HIVEP2: variants seen among roughly 807,000 people sequenced by gnomAD.
HIVEP2 encodes HIVEP zinc finger 2.
Under a neutral mutation model 180.7 loss-of-function variants are expected in HIVEP2, and 14 were observed. The observed-to-expected ratio is 0.08, with a 90% CI of 0.05 to 0.12. The LOEUF (loss-of-function observed/expected upper bound fraction) is 0.12, where lower values mean the gene tolerates loss of function less well. HIVEP2 is among the 10% of genes least tolerant of loss of function. The pLI, the probability that HIVEP2 is intolerant of heterozygous loss-of-function variation, is 1.00. For synonymous variants in HIVEP2, 1,184 were observed against 1,136.4 expected, an observed-to-expected ratio of 1.04 and a Z score of -0.84; for missense variants, 2,579 against 3,008.5, an observed-to-expected ratio of 0.86 and a Z score of 3.34.
intron 1 of HIVEP2, among the ~76,000 whole-genome samples, chr6:142,878,809 G>T (rs1776510026): frequency 6.6e-6 from 1 of 152,106 alleles, no homozygotes; most frequent in Non-Finnish European, 1.5e-5. Flanking sequence ...GGGACTGAAG[G>T]CACCTCGCCT....
At chr6:142,805,350 C>G (rs1776521464) in intron 2 of HIVEP2, among the ~76,000 whole-genome samples, 1 of 138,232 alleles carries the variant, frequency 7.2e-6, no homozygotes, top group African/African-American at 2.6e-5. Context: ...AACCCCCCAG[C>G]TCCTCTCTAC....
rs558801156 is a variant in HIVEP2 at position 142,774,485 on chromosome 6, G to A, written c.254C>T (p.Pro85Leu). 2 of 1,614,116 alleles carry A rather than the reference G, an allele frequency of 1.2e-6. No individual in the cohort carries two copies. Among genetic ancestry groups the A allele is most frequent in the South Asian group, 2.2e-5 (2 of 91,084 alleles). ...VVQQVAEKQY[P>L]PHRPSPYSCQ... ...TGAGTAAGGACTCGGACGATGCGGT[G>A]GATATTGCTTCTCTGCGACTTGCTG... is the stretch of plus-strand genomic sequence containing the variant. The change falls in exon 5 of 10, where the codon CCA becomes CTA. Residue 85 changes from proline (P) to leucine (L), a missense_variant. Transcript: ENST00000367603. The surrounding 1 kb of genome is among the most constrained non-coding windows in gnomAD (Gnocchi z 5.1).
chr6:142,809,195 C>A (rs1287408490), intron 2 of HIVEP2, among the ~76,000 whole-genome samples: 1 of 152,036 alleles, frequency 6.6e-6, no homozygotes, highest in Non-Finnish European at 1.5e-5. Flanking sequence ...TTTAACTATT[C>A]CAGACAAAAG....
intron 1 of HIVEP2, among the ~76,000 whole-genome samples, chr6:142,849,215 A>G (rs766378949): frequency 6.6e-6 from 1 of 152,188 alleles, no homozygotes; most frequent in Non-Finnish European, 1.5e-5. Flanking sequence ...ACAAATTACC[A>G]CAGAGTCCAT....
intron 7 of HIVEP2, among the ~76,000 whole-genome samples, chr6:142,763,818 G>A (rs897398258): frequency 3.9e-5 from 6 of 152,100 alleles, no homozygotes; most frequent in Non-Finnish European, 7.4e-5. Flanking sequence ...TTCAAATGAG[G>A]CAATTCTATT....
intron 2 of HIVEP2, among the ~76,000 whole-genome samples, chr6:142,801,183 GCC>G (rs1395621743): frequency 1.4e-4 from 17 of 120,694 alleles, no homozygotes; most frequent in Non-Finnish European, 3.0e-4. Context: ...TCAAGCAGTG[GCC>G]AGTGTCAAAA....
chr6:142,923,992 C>T (rs1047962085), intron 1 of HIVEP2, among the ~76,000 whole-genome samples: 1 of 152,190 alleles, frequency 6.6e-6, no homozygotes, highest in Non-Finnish European at 1.5e-5. Context: ...TTCAAGTGGG[C>T]CTCTCTTCAG....
chr6:142,905,749 T>C (rs1735771005), intron 1 of HIVEP2, among the ~76,000 whole-genome samples: 1 of 152,226 alleles, frequency 6.6e-6, no homozygotes, highest in African/African-American at 2.4e-5. Context: ...GTTCAAACTG[T>C]TAATTCCCCC....
chr6:142,828,942 A>G (rs935038486), intron 2 of HIVEP2, among the ~76,000 whole-genome samples: 8 of 152,112 alleles, frequency 5.3e-5, no homozygotes, highest in African/African-American at 1.9e-4. Flanking sequence ...AGCCTATAGA[A>G]TATTCATCTA....
At chr6:142,885,925 G>A (rs897997431) in intron 1 of HIVEP2, among the ~76,000 whole-genome samples, 1 of 152,128 alleles carries the variant, frequency 6.6e-6, no homozygotes, top group African/African-American at 2.4e-5. Flanking sequence ...TCCCCAAGCA[G>A]TAATATTTAA....
At chr6:142,835,746 C>T (rs1582900781) in intron 2 of HIVEP2, among the ~76,000 whole-genome samples, 1 of 152,314 alleles carries the variant, frequency 6.6e-6, no homozygotes, top group Middle Eastern at 3.4e-3. Context: ...AATGTCCACA[C>T]TTGATATTTC....
At position 142,760,053 on chromosome 6, in the gene HIVEP2, T is replaced by C. The variant is rs913770633; in HGVS notation, c.6235A>G (p.Arg2079Gly). The part of the protein sequence containing the change: ...DLSPRRHLSP[R>G]RDLSPMRHLS... The stretch of plus-strand genomic sequence containing the variant: ...TGTCTCATGGGTGACAGATCTCTCC[T>C]AGGTGATAAATGTCTCCTGGGAGAT... The change falls in exon 9 of 10, where the codon AGG (arginine) becomes GGG (glycine). Residue 2079 changes from arginine (R) to glycine (G), a missense_variant. Physicochemically the swap from Arg to Gly is moderately radical, Grantham distance 125. Transcript: ENST00000367603. 4 of 1,613,954 alleles carry C rather than the reference T, an allele frequency of 2.5e-6. No individual in the cohort carries two copies. The highest frequency in any genetic ancestry group is 1.3e-5 in the African/African-American group (1 of 74,938).
At chr6:142,826,421 T>C (rs1288423032) in intron 2 of HIVEP2, among the ~76,000 whole-genome samples, 4 of 152,246 alleles carry the variant, frequency 2.6e-5, no homozygotes, top group African/African-American at 7.2e-5. Flanking sequence ...AATATCTTGC[T>C]AGTGCTTCCA....
intron 1 of HIVEP2, among the ~76,000 whole-genome samples, chr6:142,847,354 T>G (rs1162522994): frequency 1.3e-5 from 2 of 152,200 alleles, no homozygotes; most frequent in African/African-American, 4.8e-5. Context: ...CGGTTTTCCC[T>G]TATTTTAATA....
At chr6:142,910,410 G>A (rs905933176) in intron 1 of HIVEP2, among the ~76,000 whole-genome samples, 16 of 152,144 alleles carry the variant, frequency 1.1e-4, no homozygotes, top group African/African-American at 3.9e-4. Context: ...AGACCATCCT[G>A]GCCAACATGG....
intron 1 of HIVEP2, among the ~76,000 whole-genome samples, chr6:142,897,587 A>G (rs560487885): frequency 2.0e-5 from 3 of 152,318 alleles, no homozygotes; most frequent in African/African-American, 7.2e-5. Context: ...AATAAGTCAG[A>G]CACACACACA....
chr6:142,814,980 A>T (rs1235964154), intron 2 of HIVEP2, among the ~76,000 whole-genome samples: 1 of 152,152 alleles, frequency 6.6e-6, no homozygotes, highest in African/African-American at 2.4e-5. Flanking sequence ...AGGAAGTCTA[A>T]GATCAAGCCA....
At chr6:142,897,804 C>T (rs1777036892) in intron 1 of HIVEP2, among the ~76,000 whole-genome samples, 1 of 152,136 alleles carries the variant, frequency 6.6e-6, no homozygotes. Flanking sequence ...TTATATTACA[C>T]AATTTTAAAA....
At chr6:142,759,455 G>T (rs1050984583) in intron 9 of HIVEP2, among the ~76,000 whole-genome samples, 1 of 152,092 alleles carries the variant, frequency 6.6e-6, no homozygotes, top group Non-Finnish European at 1.5e-5. Flanking sequence ...GCATTCTAAA[G>T]GTTCATCTTT....
Sources: allele counts gnomAD v4.1 joint callset (sites outside exome capture counted in the v4.1 genomes callset), GRCh38; gene constraint gnomAD v4.1.1; non-coding constraint Gnocchi (gnomAD v3.1); transcripts MANE v1.5; gene names NCBI Gene and HGNC (gene_info 2026-07-23, HGNC 2026-07-21).